The following DCAF1 variants were observed in gnomAD, a reference collection of about 807,000 sequenced individuals.
DCAF1 encodes the protein DDB1 and CUL4 associated factor 1.
In DCAF1, 15 loss-of-function variants were observed where a neutral mutation model predicts 128.0. That is an observed-to-expected ratio of 0.12 (90% CI 0.08 to 0.18). DCAF1 has a LOEUF of 0.18. DCAF1 is among the 10% of genes least tolerant of loss of function. The pLI is 1.00. For synonymous variants in DCAF1, 610 were observed against 603.0 expected (o/e 1.01, Z -0.17); for missense variants, 988 against 1,649.5 (o/e 0.60, Z 6.95).
At chr3:51,466,779 G>C in intron 5 of DCAF1, 24 bp downstream of exon 5, 1 of 1,607,432 alleles carries the variant, frequency 6.2e-7, no homozygotes, top group Non-Finnish European at 8.5e-7. Flanking sequence ...ATAATCGCTG[G>C]AGAAAAGTAA....
At chr3:51,494,798 T>A (rs1414710238) in intron 2 of DCAF1, among the ~76,000 whole-genome samples, 1 of 152,130 alleles carries the variant, frequency 6.6e-6, no homozygotes, top group Non-Finnish European at 1.5e-5. Context: ...GCTCAAGCAA[T>A]CCTCTCCACT....
chr3:51,431,264 T>C (rs1411877159), intron 10 of DCAF1, among the ~76,000 whole-genome samples: 1 of 151,722 alleles, frequency 6.6e-6, no homozygotes, highest in Non-Finnish European at 1.5e-5. Context: ...ATGACTGTAA[T>C]CCCAGTACTT....
chr3:51,454,049 A>T (rs1426384788), intron 6 of DCAF1, among the ~76,000 whole-genome samples: 1 of 151,962 alleles, frequency 6.6e-6, no homozygotes, highest in Admixed American at 6.6e-5. Flanking sequence ...CTAAAACTTG[A>T]GCAACTAATT....
chr3:51,454,432 T>G (rs528588323), intron 6 of DCAF1, among the ~76,000 whole-genome samples: 2 of 152,206 alleles, frequency 1.3e-5, no homozygotes, highest in South Asian at 4.2e-4. Flanking sequence ...CATGATTTTA[T>G]CTCACTGCAA....
Position 51,490,241 on chromosome 3 carries a change from C to T in DCAF1, c.-8-6405G>A, listed in dbSNP as rs74666534. On this transcript the variant is annotated intron_variant, in intron 2 of 24. Coordinates refer to ENST00000684031, the MANE Select transcript of DCAF1 (RefSeq NM_001387579.1). ...GTCCAGCTGGGGCAACATGGCAAAACCTAGTCTTTACAAAAAAGGCAAAAA... is the reference window on the plus strand; with the variant it reads ...GTCCAGCTGGGGCAACATGGCAAAATCTAGTCTTTACAAAAAAGGCAAAAA... Among the ~76,000 whole-genome samples the T allele has an allele frequency of 7.4e-4, 112 of 152,164 alleles. 1 individual carries two copies. Among genetic ancestry groups the T allele is most frequent in the Middle Eastern group, 6.8e-3 (2 of 294 alleles).
At chr3:51,479,813 A>G (rs928044295) in intron 3 of DCAF1, among the ~76,000 whole-genome samples, 2 of 152,132 alleles carry the variant, frequency 1.3e-5, no homozygotes, top group Non-Finnish European at 2.9e-5. Flanking sequence ...AAAATAAAAT[A>G]AAATAAAATT....
intron 16 of DCAF1, 70 bp downstream of exon 16, chr3:51,418,608 C>G (rs1263491059): frequency 6.5e-7 from 1 of 1,531,994 alleles, no homozygotes; most frequent in Non-Finnish European, 8.7e-7. Context: ...AAAGGGTAAG[C>G]CTCCTTTACT....
At chr3:51,455,729 T>C (rs932152580) in intron 6 of DCAF1, among the ~76,000 whole-genome samples, 32 of 151,396 alleles carry the variant, frequency 2.1e-4, no homozygotes, top group Non-Finnish European at 2.9e-5. Flanking sequence ...AAACCCCATC[T>C]CTACTAAAAA....
At chr3:51,454,842 T>A (rs1553642426) in intron 6 of DCAF1, among the ~76,000 whole-genome samples, 1 of 151,796 alleles carries the variant, frequency 6.6e-6, no homozygotes, top group Admixed American at 6.6e-5. Context: ...CCCGGCTAAT[T>A]TTTTGTATTT....
At chr3:51,434,334 C>T (rs977548014) in intron 9 of DCAF1, among the ~76,000 whole-genome samples, 1 of 151,110 alleles carries the variant, frequency 6.6e-6, no homozygotes, top group African/African-American at 2.4e-5. Flanking sequence ...CCGGGGAGTT[C>T]AAGGCTGTAG....
intron 11 of DCAF1, among the ~76,000 whole-genome samples, 168 bp from the exon 12 acceptor site, chr3:51,429,638 G>A (rs1253277263): frequency 2.0e-5 from 3 of 151,870 alleles, no homozygotes; most frequent in Non-Finnish European, 4.4e-5. Flanking sequence ...AAATATCAAC[G>A]CATATTTATG....
intron 23 of DCAF1, among the ~76,000 whole-genome samples, chr3:51,404,407 T>C (rs1468247636): frequency 6.6e-6 from 1 of 152,200 alleles, no homozygotes; most frequent in Non-Finnish European, 1.5e-5. Flanking sequence ...TTTTTTTTGT[T>C]CTTATTATTT....
chr3:51,411,036 C>A (rs1250386079), intron 23 of DCAF1, among the ~76,000 whole-genome samples: 10 of 152,046 alleles, frequency 6.6e-5, no homozygotes, highest in Admixed American at 6.6e-4. Context: ...TGACATGTGC[C>A]TGTAATCCCA....
intron 17 of DCAF1, among the ~76,000 whole-genome samples, chr3:51,417,273 G>A (rs1698962933): frequency 6.6e-6 from 1 of 152,114 alleles, no homozygotes; most frequent in African/African-American, 2.4e-5. Context: ...CAAAAAATTA[G>A]CCAGGCGTGG....
At chr3:51,464,040 A>G (rs782547933) in intron 5 of DCAF1, among the ~76,000 whole-genome samples, 3 of 151,948 alleles carry the variant, frequency 2.0e-5, no homozygotes, top group Non-Finnish European at 2.9e-5. Flanking sequence ...TTTTTAGTAG[A>G]GACGGGGCCT....
chr3:51,453,742 C>T (rs1273511083), intron 6 of DCAF1, among the ~76,000 whole-genome samples: 4 of 152,062 alleles, frequency 2.6e-5, no homozygotes, highest in African/African-American at 4.8e-5. Flanking sequence ...CAGCTGAGGT[C>T]GGGAGTTTGA....
At chr3:51,445,468 T>C (rs986321381) in intron 6 of DCAF1, among the ~76,000 whole-genome samples, 3 of 152,168 alleles carry the variant, frequency 2.0e-5, no homozygotes, top group Non-Finnish European at 2.9e-5. Context: ...GCCTGTGTGA[T>C]TGGGCAGGTA....
rs1559516110 is a variant in DCAF1, at chr3:51,442,038, G to A, written c.514-141C>T. ...GTAATAGCAACAATTTGATAAATGC[G>A]TTGCTTTGATTCCTATAAGTTGATG... On this transcript the variant is annotated intron_variant, in intron 7 of 24. Coordinates refer to ENST00000684031, the MANE Select transcript of DCAF1 (RefSeq NM_001387579.1). The A allele has an allele frequency of 7.5e-6, 9 of 1,199,072 alleles. 1 individual carries two copies. Among genetic ancestry groups the A allele is most frequent in the East Asian group, 2.4e-5 (1 of 41,736 alleles). The allele number at this position is 1,199,072 out of a possible 1,614,324, so 74.3% of individuals were successfully genotyped here.
At chr3:51,484,420 C>T (rs1553654326) in intron 2 of DCAF1, among the ~76,000 whole-genome samples, 1 of 151,778 alleles carries the variant, frequency 6.6e-6, no homozygotes, top group African/African-American at 2.4e-5. Flanking sequence ...TTGCAGTGAG[C>T]CGAGATCACA....
Sources: allele counts gnomAD v4.1 joint callset (sites outside exome capture counted in the v4.1 genomes callset), GRCh38; gene constraint gnomAD v4.1.1; transcripts MANE v1.5; gene names NCBI Gene and HGNC (gene_info 2026-07-23, HGNC 2026-07-21).